CNIH3: variants seen among roughly 807,000 people sequenced by gnomAD.
CNIH3 encodes the protein protein cornichon homolog 3.
A neutral mutation model predicts 24.1 loss-of-function variants in CNIH3; 14 were observed. The ratio of observed to expected loss-of-function variants is 0.58; its 90% CI spans 0.38 to 0.91. The LOEUF (loss-of-function observed/expected upper bound fraction) is 0.91, where lower values mean the gene tolerates loss of function less well. Among genes scored for constraint, CNIH3 ranks in the 40% least tolerant of loss-of-function variants. CNIH3 has a pLI of 0.00. For synonymous variants in CNIH3, 68 were observed against 73.8 expected, an observed-to-expected ratio of 0.92 and a Z score of 0.40; for missense variants, 178 against 196.8, an observed-to-expected ratio of 0.90 and a Z score of 0.57.
rs148846047 is a variant in CNIH3 at position 224,495,373 on chromosome 1, T to A, written n.204-20368T>A. Among the ~76,000 whole-genome samples, 433 of 152,196 alleles carry A rather than the reference T, an allele frequency of 2.8e-3. 1 individual carries two copies. The highest frequency in any genetic ancestry group is 9.9e-3 in the African/African-American group (413 of 41,552). ...TTTTACTACAAGATCAATGGGAAGG[T>A]CTTGTATCCTTAACTACTTAAAAAT... On this transcript the variant is annotated intron_variant and non_coding_transcript_variant, in intron 1 of 5. Transcript: ENST00000471578.
intron 1 of CNIH3, among the ~76,000 whole-genome samples, chr1:224,453,443 C>T (rs992628310): frequency 1.3e-5 from 2 of 152,022 alleles, no homozygotes; most frequent in Admixed American, 6.6e-5. Flanking sequence ...CCACTTTGGC[C>T]TCCCAAAGTG....
chr1:224,447,752 G>A (rs1483471333), intron 1 of CNIH3, among the ~76,000 whole-genome samples: 1 of 152,220 alleles, frequency 6.6e-6, no homozygotes, highest in Non-Finnish European at 1.5e-5. Context: ...AGTGAAGGTA[G>A]TAGAAATAAT....
chr1:224,624,188 T>C (rs1230724223), intron 1 of CNIH3, among the ~76,000 whole-genome samples: 1 of 152,134 alleles, frequency 6.6e-6, no homozygotes, highest in African/African-American at 2.4e-5. Flanking sequence ...AGGACATCAG[T>C]GGTCTGTGGC....
chr1:224,460,068 G>C lies in CNIH3; in HGVS notation n.203+25206G>C, dbSNP rs1159021809. Among the ~76,000 whole-genome samples the C allele has an allele frequency of 2.0e-5, 3 of 151,800 alleles. No individual in the cohort carries two copies. The South Asian group carries it at 6.2e-4, about 32-fold the overall frequency. ...ACTTTTGTACTTTTTGTAGAGACAG[G>C]GTTTTGTCATATCGCCCAGGCTGCT... On this transcript the variant is annotated intron_variant and non_coding_transcript_variant, in intron 1 of 5. Transcript: ENST00000471578.
At chr1:224,561,976 A>C (rs561100378) in intron 3 of CNIH3, among the ~76,000 whole-genome samples, 45 of 152,138 alleles carry the variant, frequency 3.0e-4, no homozygotes, top group Non-Finnish European at 5.6e-4. Context: ...TGTGCCTAAC[A>C]ATGTAGAGGG....
rs1367459110 is a variant in CNIH3 at position 224,683,952 on chromosome 1, A to G, written c.151-844A>G. Among the ~76,000 whole-genome samples, 9 of 152,326 alleles carry G rather than the reference A, an allele frequency of 5.9e-5. No individual in the cohort carries two copies. In the East Asian group the frequency reaches 1.5e-3, roughly 26 times the overall value. ...TGGGCTTACAGGATGCGCAGGAATC[A>G]CTATATTTATGATTTAATTAGGCAA... On this transcript the variant is annotated intron_variant, in intron 2 of 5. Coordinates refer to ENST00000272133, the MANE Select transcript of CNIH3 (RefSeq NM_152495.2).
At position 224,730,359 on chromosome 1, in the gene CNIH3, A is replaced by G. The variant is rs1046455561; in HGVS notation, c.199-103A>G. On this transcript the variant is annotated intron_variant, in intron 3 of 5. Coordinates refer to ENST00000272133, the MANE Select transcript of CNIH3 (RefSeq NM_152495.2). Reference sequence around the variant, plus strand: ...TGCTGCAGGGAGGGCCTTTGTGTCAACCGTCTGTGAGAGGCAGTGTCCAGG... The same window carrying G: ...TGCTGCAGGGAGGGCCTTTGTGTCAGCCGTCTGTGAGAGGCAGTGTCCAGG... The G allele has an allele frequency of 1.5e-5, 11 of 712,022 alleles. No individual in the cohort carries two copies. In the African/African-American group the frequency reaches 1.8e-4, roughly 11 times the overall value. The allele number at this position is 712,022 out of a possible 1,614,324, so 44.1% of individuals were successfully genotyped here.
At chr1:224,647,706 G>A (rs914401454) in intron 1 of CNIH3, among the ~76,000 whole-genome samples, 16 of 152,240 alleles carry the variant, frequency 1.1e-4, no homozygotes, top group African/African-American at 3.9e-4. Flanking sequence ...CCAAGGATGT[G>A]TGGCTGGGTG....
At chr1:224,630,000 T>C (rs1683739378) in intron 1 of CNIH3, among the ~76,000 whole-genome samples, 1 of 152,212 alleles carries the variant, frequency 6.6e-6, no homozygotes, top group South Asian at 2.1e-4. Context: ...ACCGATATTT[T>C]ATTGAAGACA....
exon 6 of CNIH3, chr1:224,588,614 A>C (rs1319575975): frequency 3.9e-5 from 6 of 152,164 alleles, no homozygotes; most frequent in Non-Finnish European, 7.4e-5. Context: ...TAAAAAAAAA[A>C]AACAAGCATT....
At position 224,705,850 on chromosome 1, in the gene CNIH3, CTTTTTTTTCTTTT is replaced by C. The variant is rs774084799; in HGVS notation, c.198+21016_198+21028del. On this transcript the variant is annotated intron_variant, in intron 3 of 5. Coordinates refer to ENST00000272133, the MANE Select transcript of CNIH3 (RefSeq NM_152495.2). The stretch of plus-strand genomic sequence containing the variant: ...TTCTTTTCTTTTCTCTCTTTCTTTT[CTTTTTTTTCTTTT>C]TTTTTTTTTTTGAGCTGAACCTACC... 4.4e-5 allele frequency among the ~76,000 whole-genome samples: 4 copies of C among 90,226 alleles called. No individual in the cohort carries two copies. In the South Asian group the frequency reaches 1.3e-3, roughly 29 times the overall value. 59.2% of individuals were successfully genotyped at this position (90,226 alleles called of 152,430 possible). A position where few individuals can be genotyped will look rare whatever the true frequency, so the allele number is the denominator to read the frequency against.
intron 3 of CNIH3, among the ~76,000 whole-genome samples, chr1:224,730,071 A>G (rs1170142153): frequency 2.0e-5 from 3 of 152,204 alleles, no homozygotes; most frequent in Non-Finnish European, 4.4e-5. Flanking sequence ...AGAGCAGGGC[A>G]GTTATGGATT....
chr1:224,657,823 TA>T (rs1685170669), intron 1 of CNIH3, among the ~76,000 whole-genome samples: 1 of 152,244 alleles, frequency 6.6e-6, no homozygotes, highest in South Asian at 2.1e-4. Context: ...AGAATCAAAG[TA>T]AAACAATTAT....
chr1:224,721,817 C>T (rs1206683346), intron 3 of CNIH3, among the ~76,000 whole-genome samples: 4 of 152,234 alleles, frequency 2.6e-5, no homozygotes, highest in East Asian at 1.9e-4. Context: ...GGAAAGAATC[C>T]GGCCAGAACT....
intron 1 of CNIH3, among the ~76,000 whole-genome samples, chr1:224,447,551 T>C (rs1193567438): frequency 6.6e-6 from 1 of 152,242 alleles, no homozygotes; most frequent in Non-Finnish European, 1.5e-5. Context: ...CAGTTCTCTA[T>C]TCCTTAATCC....
Position 224,684,179 on chromosome 1 carries a change from C to G in CNIH3, c.151-617C>G, listed in dbSNP as rs1686538896. Among the ~76,000 whole-genome samples, 1 of 152,332 alleles carries G rather than the reference C, an allele frequency of 6.6e-6. No homozygotes were observed. Among genetic ancestry groups the G allele is most frequent in the South Asian group, 2.1e-4 (1 of 4,828 alleles). ...GCACGATGCGGGCATCATCACCTGC[C>G]CAGCCACGGGCCATCATCTCATCTT... On this transcript the variant is annotated intron_variant, in intron 2 of 5. Transcript: ENST00000272133. This position sits in a 1 kb window ranked among gnomAD's most constrained non-coding sequence, Gnocchi z 4.2.
intron 1 of CNIH3, among the ~76,000 whole-genome samples, chr1:224,456,479 C>T (rs1431581245): frequency 6.6e-6 from 1 of 152,176 alleles, no homozygotes; most frequent in Non-Finnish European, 1.5e-5. Context: ...GGTGCAGTCA[C>T]GGCTCACAGT....
chr1:224,674,880 T>A (rs530746453), intron 1 of CNIH3, among the ~76,000 whole-genome samples: 5 of 152,242 alleles, frequency 3.3e-5, no homozygotes, highest in African/African-American at 1.2e-4. Context: ...CTGATATAAC[T>A]TGATCCTTCT....
chr1:224,720,367 C>T (rs1308776814), intron 3 of CNIH3, among the ~76,000 whole-genome samples: 1 of 151,886 alleles, frequency 6.6e-6, no homozygotes, highest in African/African-American at 2.4e-5. Context: ...GAGGTCAGCT[C>T]CCTCCTCTGG....
Sources: allele counts gnomAD v4.1 joint callset (sites outside exome capture counted in the v4.1 genomes callset), GRCh38; gene constraint gnomAD v4.1.1; non-coding constraint Gnocchi (gnomAD v3.1); transcripts MANE v1.5; gene names NCBI Gene and HGNC (gene_info 2026-07-23, HGNC 2026-07-21).